KIAA1549L: variants seen among roughly 807,000 people sequenced by gnomAD.
KIAA1549L encodes KIAA1549 like.
Under a neutral mutation model 160.7 loss-of-function variants are expected in KIAA1549L, and 88 were observed. The ratio of observed to expected loss-of-function variants is 0.55; its 90% CI spans 0.46 to 0.65. The LOEUF (loss-of-function observed/expected upper bound fraction) is 0.65, where lower values mean the gene tolerates loss of function less well. Ranked by LOEUF, KIAA1549L falls within the 30% of genes least tolerant of loss-of-function variation. The probability of loss-of-function intolerance (pLI) is 0.00; values close to 1 mark genes in which losing one functional copy is unlikely to be tolerated. For synonymous variants in KIAA1549L, 950 were observed against 976.7 expected (o/e 0.97, Z 0.51); for missense variants, 2,258 against 2,437.5 (o/e 0.93, Z 1.55).
chr11:33,497,219 T>TA (rs796744370), intron 1 of KIAA1549L, among the ~76,000 whole-genome samples: 1 of 151,738 alleles, frequency 6.6e-6, no homozygotes, highest in East Asian at 1.9e-4. Flanking sequence ...AGCAGGAACT[T>TA]AAAAAAAAAT....
intron 3 of KIAA1549L, 151 bp from the exon 4 acceptor site, chr11:33,547,613 T>C: frequency 1.7e-6 from 1 of 592,312 alleles, no homozygotes; most frequent in Non-Finnish European, 3.0e-6. Context: ...CCCACAGAGC[T>C]ACCACCCCAG....
In KIAA1549L at chr11:33,543,931, T is replaced by A. The variant is rs887729384; in HGVS notation, c.2368T>A (p.Ser790Thr). Residue 790 changes from serine (S) to threonine (T), a missense_variant, in exon 2 of 21, where the codon TCA becomes ACA. Transcript: ENST00000658780. ...GTSIEQPVQQ[S>T]DMTMVGSHID... ...AAGCATTGAGCAGCCTGTGCAACAG[T>A]CAGACATGACCATGGTTGGAAGCCA... is the stretch of plus-strand genomic sequence containing the variant. 6.2e-7 allele frequency: 1 copy of A among 1,613,936 alleles called. No homozygotes were observed. The highest frequency in any genetic ancestry group is 1.1e-5 in the South Asian group (1 of 91,076).
intron 17 of KIAA1549L, among the ~76,000 whole-genome samples, chr11:33,648,829 A>G (rs933867376): frequency 6.6e-6 from 1 of 152,150 alleles, no homozygotes; most frequent in Admixed American, 6.5e-5. Context: ...CAAAAAAGAC[A>G]ACAGGGCTAA....
chr11:33,435,818 G>GTGTGTGTGTATATATATA (rs1554976830), intron 1 of KIAA1549L, among the ~76,000 whole-genome samples: 1 of 45,308 alleles, frequency 2.2e-5, no homozygotes. Flanking sequence ...ATATGTGTGT[G>GTGTGTGTGTATATATATA]TATATATATA....
Position 33,618,646 on chromosome 11 carries a change from G to C in KIAA1549L, c.5393G>C (p.Arg1798Pro). The change falls in exon 16 of 21, where the codon CGC becomes CCC. Residue 1798 changes from arginine (R) to proline (P), a missense_variant. By Grantham distance (103) the Arg-to-Pro change is moderately radical (BLOSUM62 -2). Around this residue, in one of 6 missense-constraint regions of KIAA1549L, gnomAD observed 1,359 missense variants for 1,546.6 expected, o/e 0.88. Transcript: ENST00000658780. Reference sequence around the variant, plus strand: ...CGGGAGCGACCCCGGCGTGGAATCCGCAACAGCGGATACGATGTGAGTCTC... The same window carrying C: ...CGGGAGCGACCCCGGCGTGGAATCCCCAACAGCGGATACGATGTGAGTCTC... ...VTRERPRRGI[R>P]NSGYDTEPEI... 1 of 1,594,778 alleles carries C rather than the reference G, an allele frequency of 6.3e-7. No homozygotes were observed. Among genetic ancestry groups the C allele is most frequent in the Admixed American group, 1.7e-5 (1 of 57,224 alleles).
chr11:33,547,788 T>C lies in KIAA1549L; in HGVS notation c.3410T>C (p.Val1137Ala). ...GTTCTCTTTCTCACCCAAAGGAGAG[T>C]GCAGATCAGTGAATCCTTGAAGTTC... ...KTVLFLTQRR[V>A]QISESLKFSI... Residue 1137 changes from valine (V) to alanine (A), a missense_variant, in exon 4 of 21, where the codon GTG becomes GCG. Coordinates refer to ENST00000658780, the MANE Select transcript of KIAA1549L (RefSeq NM_012194.3). The C allele has an allele frequency of 6.2e-7, 1 of 1,612,914 alleles. No individual in the cohort carries two copies. The highest frequency in any genetic ancestry group is 8.5e-7 in the Non-Finnish European group (1 of 1,179,138).
At chr11:33,612,342 G>T (rs1850668448) in intron 15 of KIAA1549L, among the ~76,000 whole-genome samples, 1 of 152,234 alleles carries the variant, frequency 6.6e-6, no homozygotes, top group Admixed American at 6.5e-5. Flanking sequence ...TCTGCTTTCA[G>T]TGACCAAGCC....
chr11:33,662,871 G>A (rs1852313737), intron 20 of KIAA1549L, among the ~76,000 whole-genome samples: 1 of 152,134 alleles, frequency 6.6e-6, no homozygotes, highest in African/African-American at 2.4e-5. Flanking sequence ...TAACCTTCCT[G>A]CCATGATGAC....
intron 1 of KIAA1549L, among the ~76,000 whole-genome samples, chr11:33,482,913 A>G (rs1484220797): frequency 2.0e-5 from 3 of 152,170 alleles, no homozygotes; most frequent in African/African-American, 4.8e-5. Flanking sequence ...CTAGATTTAT[A>G]TGACTAAGAC....
At chr11:33,422,113 G>C (rs1307128574) in intron 1 of KIAA1549L, among the ~76,000 whole-genome samples, 1 of 151,954 alleles carries the variant, frequency 6.6e-6, no homozygotes, top group Non-Finnish European at 1.5e-5. Flanking sequence ...CTCCTGCCAG[G>C]CCTCTCTCCA....
At chr11:33,600,515 C>T (rs554405106) in intron 13 of KIAA1549L, among the ~76,000 whole-genome samples, 3 of 151,956 alleles carry the variant, frequency 2.0e-5, no homozygotes, top group South Asian at 2.1e-4. Context: ...TGGTGCTTCC[C>T]GCCCTCCCAG....
chr11:33,440,986 T>C (rs1361580971), intron 1 of KIAA1549L, among the ~76,000 whole-genome samples: 1 of 152,130 alleles, frequency 6.6e-6, no homozygotes, highest in African/African-American at 2.4e-5. Flanking sequence ...TTGTTACATA[T>C]GTATACATGT....
At chr11:33,604,069 G>C (rs1850435225) in intron 13 of KIAA1549L, among the ~76,000 whole-genome samples, 2 of 152,150 alleles carry the variant, frequency 1.3e-5, no homozygotes, top group Admixed American at 6.5e-5. Context: ...AAGAGGGAAA[G>C]CTCAGAGGTG....
At chr11:33,468,314 G>A (rs772651377) in intron 1 of KIAA1549L, among the ~76,000 whole-genome samples, 4 of 152,068 alleles carry the variant, frequency 2.6e-5, no homozygotes, top group Non-Finnish European at 4.4e-5. Context: ...AGCATTTGAC[G>A]CTCCAGAGCA....
At chr11:33,492,563 C>T (rs531810882) in intron 1 of KIAA1549L, among the ~76,000 whole-genome samples, 5 of 152,240 alleles carry the variant, frequency 3.3e-5, no homozygotes, top group East Asian at 3.9e-4. Context: ...TAGTCCTGGA[C>T]GTGGTTCTAC....
intron 11 of KIAA1549L, among the ~76,000 whole-genome samples, chr11:33,587,186 C>T (rs1849909550): frequency 6.6e-6 from 1 of 152,114 alleles, no homozygotes; most frequent in East Asian, 1.9e-4. Flanking sequence ...GTTACCCATG[C>T]TTTTTTTCTT....
intron 6 of KIAA1549L, among the ~76,000 whole-genome samples, chr11:33,555,965 AAAAC>A (rs1321336295): frequency 1.3e-5 from 2 of 152,166 alleles, no homozygotes; most frequent in African/African-American, 4.8e-5. Context: ...CTCAATAATA[AAAAC>A]AAACAAAAAA....
At chr11:33,609,634 G>A in intron 14 of KIAA1549L, 115 bp from the exon 15 acceptor site, 4 of 771,638 alleles carry the variant, frequency 5.2e-6, no homozygotes, top group South Asian at 1.6e-5. Context: ...TAGCTCAGAG[G>A]CCCGGAGGTG....
chr11:33,492,496 TAG>T (rs924232888), intron 1 of KIAA1549L, among the ~76,000 whole-genome samples: 3 of 152,192 alleles, frequency 2.0e-5, no homozygotes, highest in Admixed American at 1.3e-4. Flanking sequence ...TGGCAGGATT[TAG>T]AGAGGTTTTA....
Sources: gnomAD v4.1 joint callset for allele counts (sites outside exome capture counted in the v4.1 genomes callset) on GRCh38, gnomAD v4.1.1 for gene constraint, gnomAD v4.1.1 regional missense constraint, MANE v1.5 for transcripts, NCBI Gene and HGNC (gene_info 2026-07-23, HGNC 2026-07-21) for gene names.